The following EDA variants were observed in gnomAD, a reference collection of about 807,000 sequenced individuals.
EDA encodes the protein ectodysplasin-A.
In EDA, 2 loss-of-function variants were observed where a neutral mutation model predicts 23.6. The observed-to-expected ratio is 0.08, with a 90% CI of 0.03 to 0.27. EDA has a LOEUF of 0.27. EDA is among the 10% of genes least tolerant of loss of function. The pLI is 1.00. For missense variants in EDA, 229 were observed against 324.2 expected, an observed-to-expected ratio of 0.71 and a Z score of 2.26; for synonymous variants, 131 against 132.0, an observed-to-expected ratio of 0.99 and a Z score of 0.05.
Position 69,807,182 on chromosome X carries a change from A to C in EDA, c.397-149845A>C, listed in dbSNP as rs1024154733. Among the ~76,000 whole-genome samples, 7 of 109,877 alleles carry C rather than the reference A, an allele frequency of 6.4e-5. No homozygotes were observed. The Admixed American group carries it at 6.9e-4, about 11-fold the overall frequency. On this transcript the variant is annotated intron_variant, in intron 1 of 7. Coordinates refer to ENST00000374552, the MANE Select transcript of EDA (RefSeq NM_001399.5). ...CTAGGAAGAAAATTCTATAGATGAG[A>C]ATTAAAATCTGTGACACATAGTATC...
chrX:69,649,077 G>T (rs1385144324), intron 1 of EDA, among the ~76,000 whole-genome samples: 1 of 111,859 alleles, frequency 8.9e-6, no homozygotes, highest in Non-Finnish European at 1.9e-5. Context: ...TGTAGGTCAA[G>T]TTGTTTGCCT....
chrX:69,627,613 GCT>G (rs1047461936), intron 1 of EDA, among the ~76,000 whole-genome samples: 19 of 111,707 alleles, frequency 1.7e-4, no homozygotes, highest in Non-Finnish European at 3.8e-5. Context: ...AGAACGTACT[GCT>G]CTAAAGGAAG....
intron 1 of EDA, among the ~76,000 whole-genome samples, chrX:69,919,701 A>G (rs1472767428): frequency 1.8e-5 from 2 of 112,260 alleles, no homozygotes; most frequent in Non-Finnish European, 3.8e-5. Flanking sequence ...AAGAGGAGAA[A>G]ATCTTGGATT....
chrX:69,999,638 A>G (rs1216299841), intron 2 of EDA, among the ~76,000 whole-genome samples: 5 of 103,012 alleles, frequency 4.9e-5, no homozygotes, highest in Non-Finnish European at 1.0e-4. Context: ...AAAAAAAAGG[A>G]AAAAAAGAAA....
intron 1 of EDA, among the ~76,000 whole-genome samples, chrX:69,947,078 T>A (rs1173281607): frequency 8.9e-6 from 1 of 112,654 alleles, no homozygotes; most frequent in Non-Finnish European, 1.9e-5. Context: ...CCAGGTACTA[T>A]AAGTGGAAGA....
intron 1 of EDA, among the ~76,000 whole-genome samples, chrX:69,846,488 T>A (rs1410464412): frequency 1.8e-5 from 2 of 110,941 alleles, no homozygotes; most frequent in African/African-American, 6.6e-5. Flanking sequence ...AGAGACAGGG[T>A]TTCACCATGT....
intron 1 of EDA, among the ~76,000 whole-genome samples, chrX:69,673,794 G>A (rs1319505641): frequency 9.0e-6 from 1 of 111,637 alleles, no homozygotes; most frequent in Non-Finnish European, 1.9e-5. Flanking sequence ...TTAAATGTCA[G>A]CTCTAGGACA....
intron 1 of EDA, among the ~76,000 whole-genome samples, chrX:69,624,538 T>G (rs1400756034): frequency 9.0e-6 from 1 of 111,457 alleles, no homozygotes; most frequent in African/African-American, 3.3e-5. Context: ...TAGAAAGGAT[T>G]TATACTCACT....
intron 1 of EDA, among the ~76,000 whole-genome samples, chrX:69,832,732 T>A (rs2016650042): frequency 1.8e-5 from 2 of 111,483 alleles, no homozygotes; most frequent in Admixed American, 1.9e-4. Context: ...TGGTTTGTAG[T>A]TCTCCTTGAA....
At chrX:69,658,516 CAA>C (rs1330915918) in intron 1 of EDA, among the ~76,000 whole-genome samples, 1 of 110,876 alleles carries the variant, frequency 9.0e-6, no homozygotes, top group East Asian at 2.8e-4. Flanking sequence ...ATGTAGAACT[CAA>C]GTTAGACCTT....
chrX:69,726,074 T>C (rs2012790855), intron 1 of EDA, among the ~76,000 whole-genome samples: 1 of 112,037 alleles, frequency 8.9e-6, no homozygotes, highest in Non-Finnish European at 1.9e-5. Flanking sequence ...AGCTATATCC[T>C]GACAGTCAGA....
chrX:69,765,973 A>G (rs1036861542), intron 1 of EDA, among the ~76,000 whole-genome samples: 9 of 112,233 alleles, frequency 8.0e-5, no homozygotes, highest in African/African-American at 2.6e-4. Flanking sequence ...AAAGAATCGT[A>G]CAGCATGTGA....
intron 1 of EDA, among the ~76,000 whole-genome samples, chrX:69,898,471 A>G (rs2068492146): frequency 9.1e-6 from 1 of 110,439 alleles, no homozygotes; most frequent in Non-Finnish European, 1.9e-5. Flanking sequence ...TGTCCCAGCT[A>G]CTCAGGAGGC....
intron 1 of EDA, among the ~76,000 whole-genome samples, chrX:69,679,095 T>G (rs1437208997): frequency 9.3e-6 from 1 of 108,085 alleles, no homozygotes; most frequent in Non-Finnish European, 1.9e-5. Flanking sequence ...GGTTTTTGTC[T>G]TTGGTTCTGT....
chrX:69,792,563 T>G (rs1478231355), intron 1 of EDA, among the ~76,000 whole-genome samples: 2 of 112,417 alleles, frequency 1.8e-5, no homozygotes, highest in Non-Finnish European at 3.8e-5. Flanking sequence ...CTATAGTGGT[T>G]ATATGAATTT....
chrX:69,987,532 A>G (rs1362815001), intron 2 of EDA, among the ~76,000 whole-genome samples: 2 of 109,410 alleles, frequency 1.8e-5, no homozygotes, highest in Non-Finnish European at 3.8e-5. Context: ...CACATATCCC[A>G]GACAGGGCAC....
chrX:69,750,374 A>T (rs1030159081), intron 1 of EDA, among the ~76,000 whole-genome samples: 1 of 109,579 alleles, frequency 9.1e-6, no homozygotes, highest in Non-Finnish European at 1.9e-5. Context: ...ATGGCTGCAT[A>T]GTATTCCATG....
chrX:69,979,847 T>A (rs1043944082), intron 2 of EDA, among the ~76,000 whole-genome samples: 3 of 112,100 alleles, frequency 2.7e-5, no homozygotes, highest in African/African-American at 9.7e-5. Flanking sequence ...TTCACTTTAT[T>A]GTTGGTTTCA....
chrX:69,718,512 G>T (rs2012439318), intron 1 of EDA, among the ~76,000 whole-genome samples: 1 of 109,301 alleles, frequency 9.1e-6, no homozygotes, highest in African/African-American at 3.3e-5. Flanking sequence ...ATTGAGTGTT[G>T]GACTTTGTCA....
Sources: allele counts gnomAD v4.1 joint callset (sites outside exome capture counted in the v4.1 genomes callset), GRCh38; gene constraint gnomAD v4.1.1; transcripts MANE v1.5; gene names NCBI Gene and HGNC (gene_info 2026-07-23, HGNC 2026-07-21).